SLC19A2: variants seen among roughly 807,000 people sequenced by gnomAD.
SLC19A2 encodes thiamine transporter 1.
In SLC19A2, 27 loss-of-function variants were observed where a neutral mutation model predicts 44.7. That is an observed-to-expected ratio of 0.60 (90% CI 0.45 to 0.83). SLC19A2 has a LOEUF of 0.83. SLC19A2 is among the 40% of genes least tolerant of loss of function. SLC19A2 has a pLI of 0.00. For missense variants in SLC19A2, 566 were observed against 613.7 expected, an observed-to-expected ratio of 0.92 and a Z score of 0.82; for synonymous variants, 239 against 243.6, an observed-to-expected ratio of 0.98 and a Z score of 0.18.
chr1:169,485,704 C>G lies in SLC19A2; in HGVS notation c.63G>C (p.Arg21=), dbSNP rs1216668336. 6.5e-7 allele frequency: 1 copy of G among 1,544,806 alleles called. No homozygotes were observed. Among genetic ancestry groups the G allele is most frequent in the Non-Finnish European group, 8.7e-7 (1 of 1,146,464 alleles). The change falls in exon 1 of 6, where the codon CGG becomes CGC. Residue 21 remains arginine, a synonymous_variant. Transcript: ENST00000236137. ...AAAAAATVLL[R]TARVRRECWF... ...AGCATTCGCGACGGACCCGAGCGGT[C>G]CGCAGGAGCACAGTGGCCGCCGCCG...
At chr1:169,468,089 G>A (rs759948265) in intron 5 of SLC19A2, 22 bp downstream of exon 5, 47 of 1,613,234 alleles carry the variant, frequency 2.9e-5, no homozygotes, top group Middle Eastern at 1.7e-4. Context: ...TACTACCTTC[G>A]ATGCCAAAGG....
At position 169,485,683 on chromosome 1, in the gene SLC19A2, T is replaced by A; in HGVS notation, c.84A>T (p.Glu28Asp). ...GCAGCGCGGTCGGCAAGAACCAGCA[T>A]TCGCGACGGACCCGAGCGGTCCGCA... ...VLLRTARVRR[E>D]CWFLPTALLC... The change falls in exon 1 of 6, where the codon GAA becomes GAT. Residue 28 changes from glutamate to aspartate, a missense_variant. By Grantham distance (45) the Glu-to-Asp change is conservative. Transcript: ENST00000236137. 1 of 1,549,526 alleles carries A rather than the reference T, an allele frequency of 6.5e-7. No homozygotes were observed. The highest frequency in any genetic ancestry group is 1.8e-4 in the Middle Eastern group (1 of 5,594).
At position 169,477,038 on chromosome 1, in the gene SLC19A2, A is replaced by G. The variant is rs1351861810; in HGVS notation, c.807+117T>C. On this transcript the variant is annotated intron_variant, in intron 2 of 5. Coordinates refer to ENST00000236137, the MANE Select transcript of SLC19A2 (RefSeq NM_006996.3). ...AATGAATAAAGCAATAAACCAACTC[A>G]GGATAAAACATGAATCCAAATAAAT... 3.0e-5 allele frequency: 35 copies of G among 1,156,780 alleles called. No homozygotes were observed. In the East Asian group the frequency reaches 8.2e-4, roughly 27 times the overall value. The allele number at this position is 1,156,780 out of a possible 1,614,324, so 71.7% of individuals were successfully genotyped here. A position where few individuals can be genotyped will look rare whatever the true frequency, so the allele number is the denominator to read the frequency against.
At chr1:169,484,510 A>G (rs1382019574) in intron 1 of SLC19A2, among the ~76,000 whole-genome samples, 1 of 152,196 alleles carries the variant, frequency 6.6e-6, no homozygotes, top group Non-Finnish European at 1.5e-5. Flanking sequence ...CCCTTGACTG[A>G]TAGTAGGAAA....
rs1216358814 is a variant in SLC19A2 at position 169,470,086 on chromosome 1, G to A, written c.908C>T (p.Ala303Val). 3.7e-6 allele frequency: 6 copies of A among 1,613,966 alleles called. No homozygotes were observed. Among genetic ancestry groups the A allele is most frequent in the Non-Finnish European group, 5.1e-6 (6 of 1,179,934 alleles). Residue 303 changes from alanine to valine, a missense_variant, in exon 3 of 6, where the codon GCC becomes GTC. Ala to Val is a moderately conservative substitution (Grantham distance 64, BLOSUM62 0). Coordinates refer to ENST00000236137, the MANE Select transcript of SLC19A2 (RefSeq NM_006996.3). ...TTGAAAATAGCCACAGGTAGAGAGG[G>A]CCCACCACACAGACCAGCAGAGAAG... ...RPLLCWSVWW[A>V]LSTCGYFQVV...
rs928593954 is a variant in SLC19A2 at position 169,485,737 on chromosome 1, C to T, written c.30G>A (p.Arg10=). 5.2e-5 allele frequency: 80 copies of T among 1,536,534 alleles called. No homozygotes were observed. Among genetic ancestry groups the T allele is most frequent in the Non-Finnish European group, 6.7e-5 (77 of 1,145,356 alleles). Residue 10 remains arginine, a synonymous_variant, in exon 1 of 6, where the codon CGG becomes CGA. Coordinates refer to ENST00000236137, the MANE Select transcript of SLC19A2 (RefSeq NM_006996.3). Reference sequence around the variant, plus strand: ...GCACAGTGGCCGCCGCCGCCGCCGCCCGCCGAGACACCGGGCCGGGCACAT... The same window carrying T: ...GCACAGTGGCCGCCGCCGCCGCCGCTCGCCGAGACACCGGGCCGGGCACAT... The part of the protein sequence containing the change: MDVPGPVSR[R]AAAAAATVLL...
At chr1:169,470,279 T>C in intron 2 of SLC19A2, 93 bp from the exon 3 acceptor site, 3 of 1,057,032 alleles carry the variant, frequency 2.8e-6, no homozygotes, top group South Asian at 2.7e-5. Flanking sequence ...AACAGACTTT[T>C]TTCCTTGTGA....
intron 2 of SLC19A2, among the ~76,000 whole-genome samples, chr1:169,476,798 C>A (rs961726008): frequency 6.6e-6 from 1 of 152,086 alleles, no homozygotes; most frequent in Non-Finnish European, 1.5e-5. Context: ...TTATTAGAAT[C>A]ATTTCATCTA....
Position 169,469,985 on chromosome 1 carries a change from C to G in SLC19A2, c.1009G>C (p.Glu337Gln), listed in dbSNP as rs927309951. 2 of 1,613,810 alleles carry G rather than the reference C, an allele frequency of 1.2e-6. No homozygotes were observed. Among genetic ancestry groups the G allele is most frequent in the African/African-American group, 2.7e-5 (2 of 75,002 alleles). Residue 337 changes from glutamate to glutamine, a missense_variant, in exon 3 of 6, where the codon GAG (glutamate) becomes CAG (glutamine). By Grantham distance (29) the Glu-to-Gln change is conservative. Coordinates refer to ENST00000236137, the MANE Select transcript of SLC19A2 (RefSeq NM_006996.3). ...TTACCCAGTAAGGTTGAAACGGCCT[C>G]CACGCCACCATTATAGATAGCAGCA... Reference protein sequence around the residue: ...RYAAIYNGGVEAVSTLLGAVA... With the variant: ...RYAAIYNGGVQAVSTLLGAVA...
chr1:169,476,457 G>A (rs770082994), intron 2 of SLC19A2, among the ~76,000 whole-genome samples: 5 of 152,124 alleles, frequency 3.3e-5, no homozygotes, highest in South Asian at 2.1e-4. Flanking sequence ...GGTGGCTCAC[G>A]CCTGTAATCC....
At chr1:169,478,411 T>C (rs1571538601) in intron 1 of SLC19A2, among the ~76,000 whole-genome samples, 1 of 151,318 alleles carries the variant, frequency 6.6e-6, no homozygotes, top group Non-Finnish European at 1.5e-5. Context: ...TGGAATGCAG[T>C]GGCAGAATCA....
intron 1 of SLC19A2, among the ~76,000 whole-genome samples, chr1:169,481,605 T>C (rs1658446984): frequency 6.6e-6 from 1 of 152,180 alleles, no homozygotes; most frequent in Non-Finnish European, 1.5e-5. Context: ...AAGGGAAACA[T>C]CCTACAGGCA....
chr1:169,477,407 C>A lies in SLC19A2; in HGVS notation c.555G>T (p.Trp185Cys), dbSNP rs1187002038. Residue 185 changes from tryptophan to cysteine, a missense_variant, in exon 2 of 6, where the codon TGG (tryptophan) becomes TGT (cysteine). Trp to Cys is a radical substitution (Grantham distance 215). Coordinates refer to ENST00000236137, the MANE Select transcript of SLC19A2 (RefSeq NM_006996.3). ...LGQILVSVAGWSLFSLNVISL... is the reference protein window; with the variant it reads ...LGQILVSVAGCSLFSLNVISL... Reference sequence around the variant, plus strand: ...AGATGACATTCAGGCTGAACAGCGACCAGCCTGCCACTGAGACAAGGATTT... The same window carrying A: ...AGATGACATTCAGGCTGAACAGCGAACAGCCTGCCACTGAGACAAGGATTT... The A allele has an allele frequency of 6.2e-7, 1 of 1,614,168 alleles. No individual in the cohort carries two copies. Among genetic ancestry groups the A allele is most frequent in the East Asian group, 2.2e-5 (1 of 44,892 alleles).
rs1385865329 is a variant in SLC19A2, at chr1:169,468,193, G to T, written c.1283C>A (p.Thr428Asn). ...CGTCTGCAGTGCCAGGGCAATGAAGGTATTTACACCAAATACTAGGGCATA... is the reference window on the plus strand; with the variant it reads ...CGTCTGCAGTGCCAGGGCAATGAAGTTATTTACACCAAATACTAGGGCATA... ...ERYALVFGVN[T>N]FIALALQTLL... Residue 428 changes from threonine to asparagine, a missense_variant, in exon 5 of 6, where the codon ACC becomes AAC. Coordinates refer to ENST00000236137, the MANE Select transcript of SLC19A2 (RefSeq NM_006996.3). The T allele has an allele frequency of 1.9e-6, 3 of 1,613,678 alleles. No individual in the cohort carries two copies. Among genetic ancestry groups the T allele is most frequent in the African/African-American group, 2.7e-5 (2 of 74,846 alleles).
intron 4 of SLC19A2, 97 bp downstream of exon 4, chr1:169,468,547 A>C: frequency 9.8e-7 from 1 of 1,024,378 alleles, no homozygotes; most frequent in Non-Finnish European, 1.5e-6. Context: ...CATTTGCCTC[A>C]TTTAACTAGA....
intron 2 of SLC19A2, among the ~76,000 whole-genome samples, chr1:169,471,001 T>C (rs1046392680): frequency 1.3e-5 from 2 of 151,614 alleles, no homozygotes; most frequent in African/African-American, 4.8e-5. Flanking sequence ...GACAGAAGGA[T>C]TGCTTGAGCC....
At position 169,482,738 on chromosome 1, in the gene SLC19A2, C is replaced by CT. The variant is rs536372007; in HGVS notation, c.204+2824dup. Among the ~76,000 whole-genome samples, 14 of 152,192 alleles carry CT rather than the reference C, an allele frequency of 9.2e-5. No individual in the cohort carries two copies. The South Asian group carries it at 2.9e-3, about 32-fold the overall frequency. ...AGATTATTCCAAGAAGAGAATAAGT[C>CT]TTTGAGTACATGTCAACAGATGAGA... On this transcript the variant is annotated intron_variant, in intron 1 of 5. Transcript: ENST00000236137.
At chr1:169,469,586 T>A (rs190517516) in intron 3 of SLC19A2, among the ~76,000 whole-genome samples, 1 of 152,180 alleles carries the variant, frequency 6.6e-6, no homozygotes, top group Admixed American at 6.6e-5. Flanking sequence ...CATAGAACAG[T>A]ACCTAGCACA....
chr1:169,476,384 T>C (rs1207693037), intron 2 of SLC19A2, among the ~76,000 whole-genome samples: 1 of 152,160 alleles, frequency 6.6e-6, no homozygotes, highest in Admixed American at 6.5e-5. Flanking sequence ...AGATATCCCT[T>C]CTAGCACAGA....
Sources: gnomAD v4.1 joint callset for allele counts (sites outside exome capture counted in the v4.1 genomes callset) on GRCh38, gnomAD v4.1.1 for gene constraint, MANE v1.5 for transcripts, NCBI Gene and HGNC (gene_info 2026-07-23, HGNC 2026-07-21) for gene names.